The following NOX4 variants were observed in gnomAD, a reference collection of about 807,000 sequenced individuals.
NOX4 encodes NADPH oxidase 4.
Under a neutral mutation model 87.6 loss-of-function variants are expected in NOX4, and 69 were observed. The ratio of observed to expected loss-of-function variants is 0.79; its 90% CI spans 0.65 to 0.96. NOX4 has a LOEUF of 0.96. Ranked by LOEUF, NOX4 falls within the 40% of genes least tolerant of loss-of-function variation. The pLI is 0.00. For synonymous variants in NOX4, 275 were observed against 238.2 expected, an observed-to-expected ratio of 1.15 and a Z score of -1.42; for missense variants, 680 against 681.5, an observed-to-expected ratio of 1.00 and a Z score of 0.02.
intron 11 of NOX4, among the ~76,000 whole-genome samples, chr11:89,378,857 T>A (rs1319366871): frequency 6.6e-6 from 1 of 152,194 alleles, no homozygotes; most frequent in African/African-American, 2.4e-5. Context: ...TGAGAGGAGA[T>A]CACGCGGAGC....
At chr11:89,533,069 C>T in the NOX4 span, among the ~76,000 whole-genome samples, 2 of 152,090 alleles carry the variant, frequency 1.3e-5, no homozygotes, top group Admixed American at 1.3e-4. Context: ...TGAACTAATA[C>T]AGACAATTTT....
chr11:89,466,953 A>G (rs969271464), intron 2 of NOX4, among the ~76,000 whole-genome samples: 1 of 152,206 alleles, frequency 6.6e-6, no homozygotes, highest in Non-Finnish European at 1.5e-5. Flanking sequence ...TAATAAATAA[A>G]TAGTAGGCCA....
chr11:89,377,535 G>A (rs1041082782), intron 11 of NOX4, among the ~76,000 whole-genome samples: 2 of 151,874 alleles, frequency 1.3e-5, no homozygotes, highest in African/African-American at 4.8e-5. Context: ...GTGCACAAAT[G>A]ACTAATAATT....
At chr11:89,545,001 A>G in the NOX4 span, 3 of 152,244 alleles carry the variant, frequency 2.0e-5, 1 homozygote, top group Middle Eastern at 6.8e-3. Flanking sequence ...GAGTAACAGG[A>G]TACTTATTTA....
chr11:89,348,206 G>A (rs1439242897), intron 13 of NOX4, among the ~76,000 whole-genome samples: 1 of 152,082 alleles, frequency 6.6e-6, no homozygotes. Context: ...ACCAGAATCA[G>A]GAGTTCAAGA....
intron 7 of NOX4, among the ~76,000 whole-genome samples, chr11:89,425,702 C>T (rs980183602): frequency 6.6e-6 from 1 of 151,884 alleles, no homozygotes; most frequent in Non-Finnish European, 1.5e-5. Flanking sequence ...AGGATTTAAT[C>T]TATAAAAATA....
intron 3 of NOX4, among the ~76,000 whole-genome samples, chr11:89,450,221 C>A (rs1944897740): frequency 6.6e-6 from 1 of 152,062 alleles, no homozygotes; most frequent in Non-Finnish European, 1.5e-5. Flanking sequence ...GGTAGGCAAC[C>A]TAGAGAGAGT....
intron 2 of NOX4, chr11:89,489,119 T>C (rs1333145050): frequency 5.1e-6 from 3 of 587,220 alleles, no homozygotes; most frequent in Non-Finnish European, 3.0e-6. Context: ...ATTATGATAT[T>C]ACTTTGTTGT....
At chr11:89,495,875 T>G (rs1002409200), upstream of NOX4, among the ~76,000 whole-genome samples, 2 of 152,172 alleles carry the variant, frequency 1.3e-5, no homozygotes, top group African/African-American at 4.8e-5. Context: ...CAGGAGGGAT[T>G]AGTATTAAAA....
At chr11:89,379,535 G>A (rs1255820219) in intron 11 of NOX4, among the ~76,000 whole-genome samples, 2 of 152,144 alleles carry the variant, frequency 1.3e-5, no homozygotes, top group Non-Finnish European at 2.9e-5. Flanking sequence ...GTGGAAGGCA[G>A]GGCTGAGATG....
Position 89,351,400 on chromosome 11 carries a change from A to G in NOX4, c.1217+3562T>C, listed in dbSNP as rs185059983. Among the ~76,000 whole-genome samples the G allele has an allele frequency of 8.1e-4, 124 of 152,334 alleles. No individual in the cohort carries two copies. The East Asian group carries it at 0.023, about 29-fold the overall frequency. On this transcript the variant is annotated intron_variant, in intron 13 of 17. Transcript: ENST00000263317. ...AGTGCTGATGGAGAAGCTGCAGTAT[A>G]TTATCCAGAAGATCTAGCTGACATA...
At chr11:89,580,351 A>G in the NOX4 span, among the ~76,000 whole-genome samples, 1,007 of 151,852 alleles carry the variant, frequency 6.6e-3, 9 homozygotes, top group African/African-American at 0.023. Context: ...CACCTTGCTA[A>G]TTTTATTTTT....
chr11:89,531,990 G>A, the NOX4 span, among the ~76,000 whole-genome samples: 4 of 152,200 alleles, frequency 2.6e-5, no homozygotes, highest in African/African-American at 9.6e-5. Flanking sequence ...GCCTGTGGGT[G>A]TGCAAAGATA....
At chr11:89,474,581 C>T (rs1238319188) in intron 2 of NOX4, among the ~76,000 whole-genome samples, 2 of 151,680 alleles carry the variant, frequency 1.3e-5, no homozygotes, top group Non-Finnish European at 2.9e-5. Flanking sequence ...ATTAATTAGC[C>T]TCACATAATA....
Position 89,402,421 on chromosome 11 carries a change from A to C in NOX4, c.751T>G (p.Phe251Val). Residue 251 changes from phenylalanine (F) to valine (V), a missense_variant, in exon 9 of 18, where the codon TTC becomes GTC. By Grantham distance (50) the Phe-to-Val change is conservative (BLOSUM62 -1). Coordinates refer to ENST00000263317, the MANE Select transcript of NOX4 (RefSeq NM_016931.5). ...EYFSEHFHEP[F>V]PEGFSKPAEF... ...GCCGGTTTTGAAAATCCTTCAGGGA[A>C]AGGTTCATGAAAATGTTCTGAGAAA... is the stretch of plus-strand genomic sequence containing the variant. The C allele has an allele frequency of 6.2e-7, 1 of 1,613,240 alleles. No homozygotes were observed. The highest frequency in any genetic ancestry group is 8.5e-7 in the Non-Finnish European group (1 of 1,179,580).
chr11:89,584,243 T>A, the NOX4 span, among the ~76,000 whole-genome samples: 5 of 152,256 alleles, frequency 3.3e-5, no homozygotes, highest in East Asian at 9.7e-4. Flanking sequence ...TATCTAGGCC[T>A]TAAATGAAAA....
intron 12 of NOX4, among the ~76,000 whole-genome samples, chr11:89,361,380 A>G (rs1938509017): frequency 6.6e-6 from 1 of 152,148 alleles, no homozygotes; most frequent in Non-Finnish European, 1.5e-5. Flanking sequence ...GTTCTCACTT[A>G]TAAGTGAGAG....
At chr11:89,524,454 A>T in the NOX4 span, among the ~76,000 whole-genome samples, 1 of 152,274 alleles carries the variant, frequency 6.6e-6, no homozygotes, top group East Asian at 1.9e-4. Context: ...TCCACATTGT[A>T]AGTGAGAAAC....
chr11:89,486,464 A>G (rs1027405689), intron 2 of NOX4, among the ~76,000 whole-genome samples: 34 of 141,430 alleles, frequency 2.4e-4, no homozygotes, highest in Admixed American at 1.5e-3. Flanking sequence ...CAGCTAATAT[A>G]TGTGTGTGTG....
Sources: gnomAD v4.1 joint callset for allele counts (sites outside exome capture counted in the v4.1 genomes callset) on GRCh38, gnomAD v4.1.1 for gene constraint, MANE v1.5 for transcripts, NCBI Gene and HGNC (gene_info 2026-07-23, HGNC 2026-07-21) for gene names.